Variants in ANKRD6 observed in about 807,000 individuals in gnomAD.
ANKRD6 encodes the protein ankyrin repeat domain 6, also known as ankyrin repeat domain-containing protein 6.
Under a neutral mutation model 82.3 loss-of-function variants are expected in ANKRD6, and 56 were observed. That is an observed-to-expected ratio of 0.68 (90% CI 0.55 to 0.85). ANKRD6 has a LOEUF of 0.85. ANKRD6 is among the 40% of genes least tolerant of loss of function. The probability of loss-of-function intolerance (pLI) is 0.00; values close to 1 mark genes in which losing one functional copy is unlikely to be tolerated. For missense variants in ANKRD6, 852 were observed against 907.6 expected (o/e 0.94, Z 0.79); for synonymous variants, 347 against 352.1 (o/e 0.99, Z 0.16).
At chr6:89,532,669 C>T (rs558162094) in intron 1 of ANKRD6, among the ~76,000 whole-genome samples, 18 of 152,028 alleles carry the variant, frequency 1.2e-4, no homozygotes, top group Non-Finnish European at 2.1e-4. Context: ...AATGAAAGAA[C>T]GTATTGAAAG....
At chr6:89,613,714 A>G (rs1000781237) in intron 6 of ANKRD6, 78 bp from the exon 7 acceptor site, 19 of 1,333,142 alleles carry the variant, frequency 1.4e-5, no homozygotes, top group Non-Finnish European at 1.9e-5. Context: ...TAGCTTTTAA[A>G]TAACATTTTC....
rs376094661 is a variant in ANKRD6, at chr6:89,616,518, A to G, written c.616-41A>G. ...AATGAAAAGCTGGGGGCTGTAGGCC[A>G]TGAGCAGATGAGGTTTAGCAGACCT... On this transcript the variant is annotated intron_variant, in intron 7 of 15. Coordinates refer to ENST00000339746, the MANE Select transcript of ANKRD6 (RefSeq NM_001242809.2). 5.2e-5 allele frequency: 83 copies of G among 1,593,594 alleles called. No homozygotes were observed. In the South Asian group the frequency reaches 5.5e-4, roughly 11 times the overall value.
chr6:89,506,628 T>C (rs1292934198), intron 1 of ANKRD6, among the ~76,000 whole-genome samples: 1 of 152,182 alleles, frequency 6.6e-6, no homozygotes, highest in Non-Finnish European at 1.5e-5. Context: ...ATTTATACAA[T>C]TTAAATTTGT....
At chr6:89,508,303 A>G (rs1272499619) in intron 1 of ANKRD6, among the ~76,000 whole-genome samples, 1 of 152,162 alleles carries the variant, frequency 6.6e-6, no homozygotes, top group African/African-American at 2.4e-5. Context: ...ATCTGCCTCC[A>G]GGAGGTCTCA....
chr6:89,601,305 C>T (rs538681535), intron 3 of ANKRD6, among the ~76,000 whole-genome samples: 33 of 152,168 alleles, frequency 2.2e-4, no homozygotes, highest in Admixed American at 5.9e-4. Flanking sequence ...GGGGGGAGGT[C>T]GGTGGTGGCA....
chr6:89,527,540 G>A (rs540530665), intron 1 of ANKRD6, among the ~76,000 whole-genome samples: 1 of 134,714 alleles, frequency 7.4e-6, no homozygotes, highest in Admixed American at 8.7e-5. Flanking sequence ...GTTGCAATAA[G>A]CTGAGATGGC....
intron 1 of ANKRD6, among the ~76,000 whole-genome samples, chr6:89,500,943 C>T (rs566301364): frequency 6.5e-4 from 97 of 148,428 alleles, no homozygotes; most frequent in African/African-American, 2.3e-3. Flanking sequence ...GCACTTAACA[C>T]AGTCAGAAGA....
intron 10 of ANKRD6, among the ~76,000 whole-genome samples, chr6:89,623,008 G>T (rs1459534885): frequency 7.4e-6 from 1 of 134,994 alleles, no homozygotes; most frequent in Non-Finnish European, 1.6e-5. Flanking sequence ...GGGTTGGGGT[G>T]GGGGAGTGGG....
chr6:89,587,525 A>G lies in ANKRD6; in HGVS notation c.121-8391A>G, dbSNP rs1446267492. ...AAAAAGGAATTCTCTTATCAATTAA[A>G]CCCAATTGTTAGGAATAACTGATTC... On this transcript the variant is annotated intron_variant, in intron 2 of 15. Coordinates refer to ENST00000339746, the MANE Select transcript of ANKRD6 (RefSeq NM_001242809.2). 2.6e-5 allele frequency among the ~76,000 whole-genome samples: 4 copies of G among 152,168 alleles called. No homozygotes were observed. In the East Asian group the frequency reaches 7.7e-4, roughly 29 times the overall value.
At chr6:89,581,579 C>G (rs1441980163) in intron 2 of ANKRD6, 1 of 152,248 alleles carries the variant, frequency 6.6e-6, no homozygotes, top group Non-Finnish European at 1.5e-5. Flanking sequence ...GGCCTCTGGC[C>G]TCGGTTCCTC....
intron 1 of ANKRD6, among the ~76,000 whole-genome samples, chr6:89,469,175 T>C (rs750628559): frequency 2.0e-5 from 3 of 152,236 alleles, no homozygotes; most frequent in Non-Finnish European, 4.4e-5. Flanking sequence ...TATAATCAAC[T>C]CAATCTTGTC....
chr6:89,607,964 G>C (rs992271142), intron 5 of ANKRD6, among the ~76,000 whole-genome samples: 2 of 111,970 alleles, frequency 1.8e-5, no homozygotes, highest in Admixed American at 1.6e-4. Flanking sequence ...GTAGAGATGG[G>C]GTTTCACCAT....
intron 2 of ANKRD6, among the ~76,000 whole-genome samples, chr6:89,576,004 TTA>T: frequency 6.6e-6 from 1 of 152,212 alleles, no homozygotes; most frequent in Non-Finnish European, 1.5e-5. Flanking sequence ...AACTCATGTT[TTA>T]AGAGAAAGGC....
intron 9 of ANKRD6, chr6:89,618,302 C>T (rs1056779264): frequency 4.7e-6 from 3 of 637,404 alleles, no homozygotes; most frequent in Non-Finnish European, 8.4e-6. Flanking sequence ...TTCCCAGCTA[C>T]TCAGCCAAGG....
intron 3 of ANKRD6, chr6:89,602,359 A>G (rs1257101142): frequency 2.6e-5 from 4 of 152,204 alleles, no homozygotes; most frequent in African/African-American, 9.7e-5. Context: ...CCTAAAGGAG[A>G]ACAACGGCCG....
In ANKRD6 at chr6:89,631,059, G is replaced by A; in HGVS notation, c.*55G>A. 6.9e-7 allele frequency: 1 copy of A among 1,453,104 alleles called. No homozygotes were observed. Among genetic ancestry groups the A allele is most frequent in the Admixed American group, 2.8e-5 (1 of 35,996 alleles). The allele number at this position is 1,453,104 out of a possible 1,614,324, so 90.0% of individuals were successfully genotyped here. A position where few individuals can be genotyped will look rare whatever the true frequency, so the allele number is the denominator to read the frequency against. ...CTTGAAGATTTCCAGTTTTGCAACTGCATAATAGCTATGCCCAAGGAGTCA... is the reference window on the plus strand; with the variant it reads ...CTTGAAGATTTCCAGTTTTGCAACTACATAATAGCTATGCCCAAGGAGTCA... On this transcript the variant is annotated 3_prime_UTR_variant, in exon 16 of 16. Coordinates refer to ENST00000339746, the MANE Select transcript of ANKRD6 (RefSeq NM_001242809.2).
intron 1 of ANKRD6, among the ~76,000 whole-genome samples, chr6:89,506,306 A>C (rs1779845200): frequency 6.6e-6 from 1 of 152,096 alleles, no homozygotes; most frequent in Non-Finnish European, 1.5e-5. Flanking sequence ...TTTACCTTAA[A>C]TTTATACAAT....
At chr6:89,543,484 C>G (rs561328828) in intron 1 of ANKRD6, among the ~76,000 whole-genome samples, 3 of 152,180 alleles carry the variant, frequency 2.0e-5, no homozygotes, top group Non-Finnish European at 4.4e-5. Flanking sequence ...AGAGAACCAC[C>G]ATTTTAGATC....
chr6:89,497,534 A>G (rs1351849933), intron 1 of ANKRD6, among the ~76,000 whole-genome samples: 4 of 152,166 alleles, frequency 2.6e-5, no homozygotes, highest in Non-Finnish European at 5.9e-5. Flanking sequence ...CCACAATAAT[A>G]GGGGATCTTT....
Sources: allele counts gnomAD v4.1 joint callset (sites outside exome capture counted in the v4.1 genomes callset), GRCh38; gene constraint gnomAD v4.1.1; transcripts MANE v1.5; gene names NCBI Gene and HGNC (gene_info 2026-07-23, HGNC 2026-07-21).